Variants in TRMT9B observed in about 807,000 individuals in gnomAD.
The protein encoded by TRMT9B is tRNA methyltransferase 9B (putative).
Under a neutral mutation model 11.5 loss-of-function variants are expected in TRMT9B, and 16 were observed. The ratio of observed to expected loss-of-function variants is 1.39; its 90% CI spans 0.94 to 2.11. The LOEUF is 2.11. Ranked by LOEUF, TRMT9B falls within the 30% of genes most tolerant of loss-of-function variation. TRMT9B has a pLI of 0.00. For synonymous variants in TRMT9B, 274 were observed against 192.4 expected, an observed-to-expected ratio of 1.42 and a Z score of -3.51; for missense variants, 941 against 553.8, an observed-to-expected ratio of 1.70 and a Z score of -7.02.
rs1247732983 is a variant in TRMT9B, at chr8:13,029,042, A to G, written c.*6998A>G. 3 of 166,662 alleles carry G rather than the reference A, an allele frequency of 1.8e-5. No individual in the cohort carries two copies. Among genetic ancestry groups the G allele is most frequent in the Non-Finnish European group, 2.9e-5 (2 of 68,098 alleles). The allele number at this position is 166,662 out of a possible 1,614,324, so 10.3% of individuals were successfully genotyped here. On this transcript the variant is annotated 3_prime_UTR_variant, in exon 5 of 5. Transcript: ENST00000524591. ...CTTAAATATGTATGTCTGTAAATATATATATAACACACATATATATATATT... is the reference window on the plus strand; with the variant it reads ...CTTAAATATGTATGTCTGTAAATATGTATATAACACACATATATATATATT...
chr8:12,976,103 T>TTAGGTA (rs1804404885), intron 1 of TRMT9B, among the ~76,000 whole-genome samples: 1 of 152,126 alleles, frequency 6.6e-6, no homozygotes, highest in African/African-American at 2.4e-5. Flanking sequence ...CCAGGGAAGC[T>TTAGGTA]CCACCATGCC....
At position 12,949,663 on chromosome 8, in the gene TRMT9B, A is replaced by G. The variant is rs866098111; in HGVS notation, c.-200+3697A>G. ...TCTAGGGATTCTACATGTCTGCTTC[A>G]AGCCGTCAGTGAACTTTCAGAAAAC... On this transcript the variant is annotated intron_variant, in intron 1 of 4. Coordinates refer to ENST00000524591, the MANE Select transcript of TRMT9B (RefSeq NM_020844.3). Among the ~76,000 whole-genome samples the G allele has an allele frequency of 1.2e-4, 18 of 152,288 alleles. No individual in the cohort carries two copies. In the Middle Eastern group the frequency reaches 0.01, roughly 86 times the overall value.
intron 1 of TRMT9B, among the ~76,000 whole-genome samples, chr8:12,989,248 C>G (rs1248404938): frequency 6.6e-6 from 1 of 152,114 alleles, no homozygotes; most frequent in African/African-American, 2.4e-5. Flanking sequence ...AAATGTGTTT[C>G]TTTCAATACT....
At chr8:12,995,586 TC>T (rs1224565236) in intron 2 of TRMT9B, among the ~76,000 whole-genome samples, 1 of 152,172 alleles carries the variant, frequency 6.6e-6, no homozygotes, top group Non-Finnish European at 1.5e-5. Context: ...TTTCTTCTTT[TC>T]CTTGTCATTC....
At chr8:12,988,667 C>A (rs1327055093) in intron 1 of TRMT9B, among the ~76,000 whole-genome samples, 1 of 152,148 alleles carries the variant, frequency 6.6e-6, no homozygotes, top group African/African-American at 2.4e-5. Flanking sequence ...ATCATGAGAA[C>A]AGCATGAGGG....
At chr8:12,987,871 ATGTGGCTCTC>A (rs1806604677) in intron 1 of TRMT9B, among the ~76,000 whole-genome samples, 1 of 152,142 alleles carries the variant, frequency 6.6e-6, no homozygotes, top group Admixed American at 6.5e-5. Context: ...CAACTGGGAG[ATGTGGCTCTC>A]TGTGGCTTCC....
chr8:13,011,777 T>C (rs1466808037), intron 3 of TRMT9B: 4 of 957,866 alleles, frequency 4.2e-6, no homozygotes, highest in South Asian at 4.8e-5. Flanking sequence ...ATAATCTGAG[T>C]TGTATACTGG....
At chr8:12,959,547 T>C (rs1360185420) in intron 1 of TRMT9B, among the ~76,000 whole-genome samples, 1 of 118,914 alleles carries the variant, frequency 8.4e-6, no homozygotes, top group African/African-American at 3.5e-5. Flanking sequence ...TTTGACAGAG[T>C]CTTGCTCTGT....
intron 1 of TRMT9B, among the ~76,000 whole-genome samples, chr8:12,981,262 T>C (rs1056440603): frequency 1.3e-5 from 2 of 152,236 alleles, no homozygotes; most frequent in African/African-American, 4.8e-5. Flanking sequence ...ATTTACACTC[T>C]GGTGCAAAGT....
At chr8:13,010,763 G>T in intron 3 of TRMT9B, 1 of 983,386 alleles carries the variant, frequency 1.0e-6, no homozygotes, top group African/African-American at 1.7e-5. Context: ...CAAATGAATT[G>T]CAAGGTTATT....
intron 1 of TRMT9B, among the ~76,000 whole-genome samples, chr8:12,981,387 G>C (rs560728040): frequency 6.6e-6 from 1 of 152,116 alleles, no homozygotes. Flanking sequence ...ATCAGATTGT[G>C]GGGGGCTTTA....
intron 1 of TRMT9B, among the ~76,000 whole-genome samples, chr8:12,978,816 G>T (rs557400901): frequency 6.6e-6 from 1 of 152,190 alleles, no homozygotes; most frequent in Non-Finnish European, 1.5e-5. Flanking sequence ...AGGTTGGCAC[G>T]TGGAGTCCAG....
intron 1 of TRMT9B, among the ~76,000 whole-genome samples, chr8:12,977,871 A>G (rs62488994): frequency 0.032 from 4,785 of 151,876 alleles, 109 homozygotes; most frequent in Non-Finnish European, 0.047. Flanking sequence ...AGAAAAAAAT[A>G]CAAAAACATT....
intron 1 of TRMT9B, among the ~76,000 whole-genome samples, chr8:12,982,694 A>T (rs538511409): frequency 6.6e-6 from 1 of 152,036 alleles, no homozygotes; most frequent in Admixed American, 6.6e-5. Context: ...GAGTTTATTT[A>T]GTTTATTTTT....
chr8:12,984,860 T>C (rs933848126), intron 1 of TRMT9B, among the ~76,000 whole-genome samples: 7 of 152,002 alleles, frequency 4.6e-5, no homozygotes, highest in African/African-American at 1.7e-4. Flanking sequence ...TGTGGAGGGA[T>C]GGCCTTTGGT....
rs1815117924 is a variant in TRMT9B, at chr8:13,029,486, T to C, written c.*7442T>C. 6.0e-6 allele frequency: 1 copy of C among 166,990 alleles called. No individual in the cohort carries two copies. The highest frequency in any genetic ancestry group is 2.4e-5 in the African/African-American group (1 of 41,438). 10.3% of individuals were successfully genotyped at this position (166,990 alleles called of 1,614,324 possible). On this transcript the variant is annotated 3_prime_UTR_variant, in exon 5 of 5. Coordinates refer to ENST00000524591, the MANE Select transcript of TRMT9B (RefSeq NM_020844.3). ...GTAATTTGTGTGTTTATGATATGTA[T>C]TCAATTATTTAAGTTAAGTATCAGT...
At chr8:13,018,165 G>A (rs1012145215) in intron 4 of TRMT9B, among the ~76,000 whole-genome samples, 4 of 150,990 alleles carry the variant, frequency 2.6e-5, no homozygotes, top group African/African-American at 9.7e-5. Flanking sequence ...ACTTTGGGAG[G>A]CTGAGGCAGG....
In TRMT9B at chr8:13,025,766, G is replaced by A. The variant is rs984296584; in HGVS notation, c.*3722G>A. The stretch of plus-strand genomic sequence containing the variant: ...CACAAACGTCTTGGAGTTTGGTTTC[G>A]TTCTCTTTTCTCATCATAGATCTCC... On this transcript the variant is annotated 3_prime_UTR_variant, in exon 5 of 5. Transcript: ENST00000524591. 6 of 166,846 alleles carry A rather than the reference G, an allele frequency of 3.6e-5. No individual in the cohort carries two copies. The highest frequency in any genetic ancestry group is 6.5e-5 in the Admixed American group (1 of 15,282). The allele number at this position is 166,846 out of a possible 1,614,324, so 10.3% of individuals were successfully genotyped here.
In TRMT9B at chr8:13,026,407, C is replaced by T. The variant is rs1311197391; in HGVS notation, c.*4363C>T. 7 of 162,492 alleles carry T rather than the reference C, an allele frequency of 4.3e-5. No homozygotes were observed. The highest frequency in any genetic ancestry group is 4.2e-4 in the Admixed American group (6 of 14,160). The allele number at this position is 162,492 out of a possible 1,614,324, so 10.1% of individuals were successfully genotyped here. ...CCGCTGAGGGAGTTCCTCTTGCCCT[C>T]TACCCCCGGGGCTTGTATATAGATT... On this transcript the variant is annotated 3_prime_UTR_variant, in exon 5 of 5. Coordinates refer to ENST00000524591, the MANE Select transcript of TRMT9B (RefSeq NM_020844.3).
Sources: gnomAD v4.1 joint callset for allele counts (sites outside exome capture counted in the v4.1 genomes callset) on GRCh38, gnomAD v4.1.1 for gene constraint, MANE v1.5 for transcripts, NCBI Gene and HGNC (gene_info 2026-07-23, HGNC 2026-07-21) for gene names.